Variants in COL7A1 observed in about 807,000 individuals in gnomAD.
COL7A1 encodes the protein collagen type VII alpha 1 chain.
COL7A1 carries 296 observed loss-of-function variants against 456.2 expected under a neutral mutation model. That is an observed-to-expected ratio of 0.65 (90% CI 0.59 to 0.71). COL7A1 has a LOEUF of 0.71. Among genes scored for constraint, COL7A1 ranks in the 30% least tolerant of loss-of-function variants. The pLI, the probability that COL7A1 is intolerant of heterozygous loss-of-function variation, is 0.00. For synonymous variants in COL7A1, 1,464 were observed against 1,525.9 expected (o/e 0.96, Z 0.95); for missense variants, 3,441 against 4,017.2 (o/e 0.86, Z 3.88).
chr3:48,590,014 G>A lies in COL7A1; in HGVS notation c.2050+199C>T, dbSNP rs1031462361. Among the ~76,000 whole-genome samples, 38 of 152,054 alleles carry A rather than the reference G, an allele frequency of 2.5e-4. No individual in the cohort carries two copies. Among genetic ancestry groups the A allele is most frequent in the African/African-American group, 7.2e-4 (30 of 41,394 alleles). On this transcript the variant is annotated intron_variant, in intron 16 of 118. Coordinates refer to ENST00000681320, the MANE Select transcript of COL7A1 (RefSeq NM_000094.4). The surrounding 1 kb of genome is among the most constrained non-coding windows in gnomAD (Gnocchi z 4.6). The stretch of plus-strand genomic sequence containing the variant: ...GCTGTGGGAGTCTTAGGAGAGAAGC[G>A]GAGGAATCTGAATACGGGGAGGGCT...
At position 48,568,407 on chromosome 3, in the gene COL7A1, A is replaced by G. The variant is rs1480967699; in HGVS notation, c.7794+92T>C. On this transcript the variant is annotated intron_variant, in intron 105 of 118. Coordinates refer to ENST00000681320, the MANE Select transcript of COL7A1 (RefSeq NM_000094.4). This position sits in a 1 kb window ranked among gnomAD's most constrained non-coding sequence, Gnocchi z 5.2. ...GACACCATGAGAGCACTGGGTCACT[A>G]TAAGGTCAAAAGCTACCACACTGGT... The G allele has an allele frequency of 2.9e-5, 39 of 1,353,902 alleles. No individual in the cohort carries two copies. The highest frequency in any genetic ancestry group is 3.9e-5 in the Non-Finnish European group (38 of 968,690). 83.9% of individuals were successfully genotyped at this position (1,353,902 alleles called of 1,614,324 possible).
chr3:48,586,052 C>G lies in COL7A1; in HGVS notation c.3723+22G>C, dbSNP rs373217568. The G allele has an allele frequency of 6.2e-7, 1 of 1,613,498 alleles. No individual in the cohort carries two copies. Among genetic ancestry groups the G allele is most frequent in the Non-Finnish European group, 8.5e-7 (1 of 1,180,020 alleles). ...GACCCCTTATATTCTACCACCCAGTCCCCCAGAGGCCTCTTCCAAACCTGA... is the reference window on the plus strand; with the variant it reads ...GACCCCTTATATTCTACCACCCAGTGCCCCAGAGGCCTCTTCCAAACCTGA... On this transcript the variant is annotated intron_variant, in intron 28 of 118. Coordinates refer to ENST00000681320, the MANE Select transcript of COL7A1 (RefSeq NM_000094.4). This position sits in a 1 kb window ranked among gnomAD's most constrained non-coding sequence, Gnocchi z 5.1.
rs748824005 is a variant in COL7A1 at position 48,575,291 on chromosome 3, C to G, written c.6180+48G>C. ...GGCCAAGCCCATGGGGGGTCCCACC[C>G]CTCCCAACCCCTCTTCCCTCACTCT... is the stretch of plus-strand genomic sequence containing the variant. On this transcript the variant is annotated intron_variant, in intron 74 of 118. Coordinates refer to ENST00000681320, the MANE Select transcript of COL7A1 (RefSeq NM_000094.4). The surrounding 1 kb of genome is among the most constrained non-coding windows in gnomAD (Gnocchi z 6.3). The G allele has an allele frequency of 1.9e-6, 3 of 1,612,990 alleles. No homozygotes were observed. The highest frequency in any genetic ancestry group is 2.5e-6 in the Non-Finnish European group (3 of 1,179,180).
rs137942494 is a variant in COL7A1 at position 48,590,500 on chromosome 3, G to T, written c.1865C>A (p.Pro622His). 117 of 1,614,182 alleles carry T rather than the reference G, an allele frequency of 7.2e-5. No homozygotes were observed. Among genetic ancestry groups the T allele is most frequent in the Non-Finnish European group, 9.2e-5 (109 of 1,180,030 alleles). Reference protein sequence around the residue: ...TRVRVAWGPVPGASGFRISWS... With the variant: ...TRVRVAWGPVHGASGFRISWS... ...GCTAATCCGAAATCCACTGGCTCCA[G>T]GGACGGGTCCCCAGGCCACCCTCAC... Residue 622 changes from proline (P) to histidine (H), a missense_variant, in exon 15 of 119, where the codon CCT (proline) becomes CAT (histidine). By Grantham distance (77) the Pro-to-His change is moderately conservative. This residue lies in a region of COL7A1 where 913 missense variants were observed against 1,088.2 expected (regional missense o/e 0.84). Transcript: ENST00000681320. The surrounding 1 kb of genome is among the most constrained non-coding windows in gnomAD (Gnocchi z 4.6).
At position 48,565,261 on chromosome 3, in the gene COL7A1, A is replaced by T; in HGVS notation, c.8528-60T>A. 6.5e-7 allele frequency: 1 copy of T among 1,544,016 alleles called. No individual in the cohort carries two copies. Among genetic ancestry groups the T allele is most frequent in the Non-Finnish European group, 8.9e-7 (1 of 1,125,240 alleles). ...CTGCTGGCCCCGGGGCAAGGTGGGC[A>T]GCACTGATTTCCACTGTGTGCACAC... On this transcript the variant is annotated intron_variant, in intron 116 of 118. Coordinates refer to ENST00000681320, the MANE Select transcript of COL7A1 (RefSeq NM_000094.4). The surrounding 1 kb of genome is among the most constrained non-coding windows in gnomAD (Gnocchi z 4.5).
chr3:48,590,358 T>C lies in COL7A1; in HGVS notation c.1907-2A>G. 6.2e-7 allele frequency: 1 copy of C among 1,614,044 alleles called. No homozygotes were observed. Among genetic ancestry groups the C allele is most frequent in the Non-Finnish European group, 8.5e-7 (1 of 1,179,994 alleles). Reference sequence around the variant, plus strand: ...GCAGTGTCTGGCTGGACTCCGGACCTGAGGTCAGAGGGAAATGCTGGCATG... The same window carrying C: ...GCAGTGTCTGGCTGGACTCCGGACCCGAGGTCAGAGGGAAATGCTGGCATG... On this transcript the variant is annotated splice_acceptor_variant, in intron 15 of 118. Coordinates refer to ENST00000681320, the MANE Select transcript of COL7A1 (RefSeq NM_000094.4). LOFTEE classifies it high-confidence loss of function. The surrounding 1 kb of genome is among the most constrained non-coding windows in gnomAD (Gnocchi z 4.6).
At position 48,586,380 on chromosome 3, in the gene COL7A1, G is replaced by C; in HGVS notation, c.3502C>G (p.Pro1168Ala). 1 of 1,613,910 alleles carries C rather than the reference G, an allele frequency of 6.2e-7. No homozygotes were observed. Among genetic ancestry groups the C allele is most frequent in the Non-Finnish European group, 8.5e-7 (1 of 1,179,992 alleles). Residue 1168 changes from proline (P) to alanine (A), a missense_variant, in exon 27 of 119, where the codon CCC (proline) becomes GCC (alanine). Around this residue, in one of 3 missense-constraint regions of COL7A1, gnomAD observed 2,084 missense variants for 2,501.3 expected, o/e 0.83. Coordinates refer to ENST00000681320, the MANE Select transcript of COL7A1 (RefSeq NM_000094.4). The surrounding 1 kb of genome is among the most constrained non-coding windows in gnomAD (Gnocchi z 5.1). ...PGVMVLLVDE[P>A]LRGDIFSPIR... Reference sequence around the variant, plus strand: ...GGGCTGAATATGTCACCTCTCAAGGGTTCATCCACTAGCAGAACCATCACC... The same window carrying C: ...GGGCTGAATATGTCACCTCTCAAGGCTTCATCCACTAGCAGAACCATCACC...
Position 48,589,394 on chromosome 3 carries a change from A to G in COL7A1, c.2247T>C (p.Tyr749=). Residue 749 remains tyrosine (Y), a synonymous_variant, in exon 18 of 119, where the codon TAT becomes TAC. Transcript: ENST00000681320. ...ELDGLEPDTE[Y]TVHVRAHVAG... is the part of the protein sequence containing the mutation. ...CCACATGGGCCCTCACATGCACCGT[A>G]TACTCAGTATCTGGCTCCAGTCCAT... is the stretch of plus-strand genomic sequence containing the variant. 6.2e-7 allele frequency: 1 copy of G among 1,613,618 alleles called. No individual in the cohort carries two copies. Among genetic ancestry groups the G allele is most frequent in the East Asian group, 2.2e-5 (1 of 44,884 alleles).
rs111360822 is a variant in COL7A1, at chr3:48,580,918, C to T, written c.4944G>A (p.Pro1648=). The T allele has an allele frequency of 9.8e-5, 158 of 1,614,066 alleles. No homozygotes were observed. The highest frequency in any genetic ancestry group is 3.3e-4 in the Middle Eastern group (2 of 6,062). ...GCTCGCCTGCTTTTCCAGGCAAACC[C>T]GGGTCACCCTGGTGATAGAGAGAAA... ...EKGDEGPPGD[P]GLPGKAGERG... The change falls in exon 54 of 119, where the codon CCG becomes CCA. Residue 1648 remains proline (P), a synonymous_variant. Transcript: ENST00000681320. This position sits in a 1 kb window ranked among gnomAD's most constrained non-coding sequence, Gnocchi z 4.5.
chr3:48,566,693 C>T lies in COL7A1; in HGVS notation c.8271G>A (p.Gly2757=), dbSNP rs766824798. The change falls in exon 112 of 119, where the codon GGG becomes GGA. Residue 2757 remains glycine (G), a synonymous_variant. Coordinates refer to ENST00000681320, the MANE Select transcript of COL7A1 (RefSeq NM_000094.4). This position sits in a 1 kb window ranked among gnomAD's most constrained non-coding sequence, Gnocchi z 5.9. ...PPGERVVGAP[G]VPGAPGERGE... ...CTCTCTCGCCAGGAGCTCCAGGGAC[C>T]CCAGGAGCCCCCACCACTCTCTCTC... 5 of 1,613,840 alleles carry T rather than the reference C, an allele frequency of 3.1e-6. No individual in the cohort carries two copies. The South Asian group carries it at 3.3e-5, about 11-fold the overall frequency.
Position 48,565,908 on chromosome 3 carries a change from A to C in COL7A1, c.8408-240T>G, listed in dbSNP as rs1560193408. ...AAAAGGCAAGAGACAGAAGCAGGCCAGACACAGAAACAGGCAGGTGGTGCA... is the reference window on the plus strand; with the variant it reads ...AAAAGGCAAGAGACAGAAGCAGGCCCGACACAGAAACAGGCAGGTGGTGCA... On this transcript the variant is annotated intron_variant, in intron 114 of 118. Transcript: ENST00000681320. The surrounding 1 kb of genome is among the most constrained non-coding windows in gnomAD (Gnocchi z 4.5). 1.3e-5 allele frequency among the ~76,000 whole-genome samples: 2 copies of C among 152,186 alleles called. No individual in the cohort carries two copies. Among genetic ancestry groups the C allele is most frequent in the Non-Finnish European group, 2.9e-5 (2 of 68,032 alleles).
rs2107636930 is a variant in COL7A1, at chr3:48,568,014, A to G, written c.7875+76T>C. The G allele has an allele frequency of 6.2e-7, 1 of 1,601,376 alleles. No homozygotes were observed. The highest frequency in any genetic ancestry group is 1.7e-5 in the Admixed American group (1 of 59,948). On this transcript the variant is annotated intron_variant, in intron 106 of 118. Coordinates refer to ENST00000681320, the MANE Select transcript of COL7A1 (RefSeq NM_000094.4). This position sits in a 1 kb window ranked among gnomAD's most constrained non-coding sequence, Gnocchi z 5.2. ...CCAACCTCTGACCCAGTGCCCTAATATCTGACCCCAGGTCCCTCGCCCTTC... is the reference window on the plus strand; with the variant it reads ...CCAACCTCTGACCCAGTGCCCTAATGTCTGACCCCAGGTCCCTCGCCCTTC...
Position 48,580,802 on chromosome 3 carries a change from C to A in COL7A1, c.4980+80G>T, listed in dbSNP as rs1366299093. ...GCCTCCCTGCAGGGACTCCCATCAC[C>A]CCTTACCCCCCTCAGCCTTTCCTAT... On this transcript the variant is annotated intron_variant, in intron 54 of 118. Transcript: ENST00000681320. The surrounding 1 kb of genome is among the most constrained non-coding windows in gnomAD (Gnocchi z 4.5). The A allele has an allele frequency of 2.4e-5, 38 of 1,593,770 alleles. No individual in the cohort carries two copies. In the South Asian group the frequency reaches 4.0e-4, roughly 17 times the overall value.
Position 48,567,137 on chromosome 3 carries a change from T to C in COL7A1, c.8100A>G (p.Lys2700=). The C allele has an allele frequency of 6.2e-7, 1 of 1,613,938 alleles. No individual in the cohort carries two copies. Among genetic ancestry groups the C allele is most frequent in the Non-Finnish European group, 8.5e-7 (1 of 1,179,940 alleles). Residue 2700 remains lysine (K), a synonymous_variant, in exon 110 of 119, where the codon AAA becomes AAG. Coordinates refer to ENST00000681320, the MANE Select transcript of COL7A1 (RefSeq NM_000094.4). The surrounding 1 kb of genome is among the most constrained non-coding windows in gnomAD (Gnocchi z 4.3). Reference sequence around the variant, plus strand: ...CATGGCTTCAACTCACCCGCTCCCCTTTCTCGCCCTGGTCACCCTTGGGGC... The same window carrying C: ...CATGGCTTCAACTCACCCGCTCCCCCTTCTCGCCCTGGTCACCCTTGGGGC... ...QPGPKGDQGE[K]GERGTPGIGG...
In COL7A1 at chr3:48,574,083, A is replaced by ACAGACACAGG. The variant is rs1325854306; in HGVS notation, c.6501+169_6501+178dup. ...CACACACATCCACATACAACCACACACAGACACAGGCACACACAGGCACAC... is the reference window on the plus strand; with the variant it reads ...CACACACATCCACATACAACCACACACAGACACAGGCAGACACAGGCACACACAGGCACAC... On this transcript the variant is annotated intron_variant, in intron 80 of 118. Transcript: ENST00000681320. This position sits in a 1 kb window ranked among gnomAD's most constrained non-coding sequence, Gnocchi z 5.0. Among the ~76,000 whole-genome samples the ACAGACACAGG allele has an allele frequency of 2.0e-5, 3 of 151,756 alleles. No homozygotes were observed. The highest frequency in any genetic ancestry group is 2.9e-5 in the Non-Finnish European group (2 of 67,908).
rs754705432 is a variant in COL7A1 at position 48,587,939 on chromosome 3, C to G, written c.2711G>C (p.Gly904Ala). The G allele has an allele frequency of 6.3e-7, 1 of 1,589,478 alleles. No homozygotes were observed. Among genetic ancestry groups the G allele is most frequent in the Admixed American group, 1.8e-5 (1 of 56,198 alleles). Residue 904 changes from glycine to alanine, a missense_variant and splice_region_variant, in exon 22 of 119, where the codon GGT becomes GCT. By Grantham distance (60) the Gly-to-Ala change is moderately conservative. Transcript: ENST00000681320. This position sits in a 1 kb window ranked among gnomAD's most constrained non-coding sequence, Gnocchi z 6.1. ...QGFLLHWQPE[G>A]GQEQSRVLGP... is the part of the protein sequence containing the mutation. ...CAGGACCCGGGACTGTTCCTGGCCA[C>G]CTGGGGCAGGCGTGAGGGTGGGGGC...
chr3:48,580,986 A>C lies in COL7A1; in HGVS notation c.4936-60T>G. ...CAGTCAGGATCTAACTCACTCAGGGAGAGGGGACAGAGAAGGGTCTGAGCA... is the reference window on the plus strand; with the variant it reads ...CAGTCAGGATCTAACTCACTCAGGGCGAGGGGACAGAGAAGGGTCTGAGCA... On this transcript the variant is annotated intron_variant, in intron 53 of 118. Transcript: ENST00000681320. This position sits in a 1 kb window ranked among gnomAD's most constrained non-coding sequence, Gnocchi z 4.5. The C allele has an allele frequency of 6.2e-7, 1 of 1,608,738 alleles. No individual in the cohort carries two copies. Among genetic ancestry groups the C allele is most frequent in the Middle Eastern group, 1.7e-4 (1 of 6,044 alleles).
chr3:48,574,049 G>A lies in COL7A1; in HGVS notation c.6502-159C>T, dbSNP rs1433578933. Among the ~76,000 whole-genome samples, 1 of 151,700 alleles carries A rather than the reference G, an allele frequency of 6.6e-6. No homozygotes were observed. Among genetic ancestry groups the A allele is most frequent in the East Asian group, 1.9e-4 (1 of 5,170 alleles). ...ACTGCCTCTCATAGATAGCACACAC[G>A]GGCCTGCACACACACATCCACATAC... On this transcript the variant is annotated intron_variant, in intron 80 of 118. Transcript: ENST00000681320. The surrounding 1 kb of genome is among the most constrained non-coding windows in gnomAD (Gnocchi z 5.0).
Position 48,569,496 on chromosome 3 carries a change from C to T in COL7A1, c.7615-50G>A. ...ACGGTAAGGGGCTGAAGGTCCCTCA[C>T]CCTCTGGGAGTTTGAGCTCTCAGAT... On this transcript the variant is annotated intron_variant, in intron 102 of 118. Coordinates refer to ENST00000681320, the MANE Select transcript of COL7A1 (RefSeq NM_000094.4). This position sits in a 1 kb window ranked among gnomAD's most constrained non-coding sequence, Gnocchi z 4.9. 2.5e-6 allele frequency: 4 copies of T among 1,613,708 alleles called. No individual in the cohort carries two copies. The highest frequency in any genetic ancestry group is 3.4e-6 in the Non-Finnish European group (4 of 1,179,574).
Sources: gnomAD v4.1 joint callset for allele counts (sites outside exome capture counted in the v4.1 genomes callset) on GRCh38, gnomAD v4.1.1 for gene constraint, gnomAD v4.1.1 regional missense constraint, Gnocchi (gnomAD v3.1) non-coding constraint, MANE v1.5 for transcripts, NCBI Gene and HGNC (gene_info 2026-07-23, HGNC 2026-07-21) for gene names.